The following GAA variants were observed in gnomAD, a reference collection of about 807,000 sequenced individuals.
GAA encodes lysosomal alpha-glucosidase.
A neutral mutation model predicts 103.9 loss-of-function variants in GAA; 88 were observed. The observed-to-expected ratio is 0.85, with a 90% CI of 0.71 to 1.01. The LOEUF is 1.01. Among genes scored for constraint, GAA ranks in the 50% least tolerant of loss-of-function variants. GAA has a pLI of 0.00. For missense variants in GAA, 1,350 were observed against 1,305.3 expected (o/e 1.03, Z -0.53); for synonymous variants, 572 against 563.1 (o/e 1.02, Z -0.22).
At chr17:80,105,396 C>T (rs553993747) in intron 2 of GAA, among the ~76,000 whole-genome samples, 2 of 152,152 alleles carry the variant, frequency 1.3e-5, no homozygotes, top group African/African-American at 2.4e-5. Flanking sequence ...CCAGAGGTTG[C>T]GAATGAAAAC....
At chr17:80,113,761 G>A (rs530242778) in intron 15 of GAA, among the ~76,000 whole-genome samples, 32 of 152,266 alleles carry the variant, frequency 2.1e-4, no homozygotes, top group African/African-American at 7.5e-4. Context: ...GCTAACGCCT[G>A]TAATCCCAGA....
chr17:80,118,474 A>G, intron 18 of GAA, 117 bp downstream of exon 18: 4 of 1,457,062 alleles, frequency 2.7e-6, no homozygotes, highest in Non-Finnish European at 3.8e-6. Context: ...ACACTCTAGC[A>G]GGTGGCCTGG....
In GAA at chr17:80,104,989, A is replaced by G; in HGVS notation, c.403A>G (p.Ser135Gly). 1 of 1,612,886 alleles carries G rather than the reference A, an allele frequency of 6.2e-7. No individual in the cohort carries two copies. Among genetic ancestry groups the G allele is most frequent in the Non-Finnish European group, 8.5e-7 (1 of 1,180,006 alleles). Residue 135 changes from serine to glycine, a missense_variant, in exon 2 of 20, where the codon AGC becomes GGC. Physicochemically the swap from Ser to Gly is moderately conservative, Grantham distance 56. Transcript: ENST00000302262. This position sits in a 1 kb window ranked among gnomAD's most constrained non-coding sequence, Gnocchi z 4.0. ...PWCFFPPSYP[S>G]YKLENLSSSE... Reference sequence around the variant, plus strand: ...GTGCTTCTTCCCACCCAGCTACCCCAGCTACAAGCTGGAGAACCTGAGCTC... The same window carrying G: ...GTGCTTCTTCCCACCCAGCTACCCCGGCTACAAGCTGGAGAACCTGAGCTC...
At position 80,104,518 on chromosome 17, in the gene GAA, C is replaced by T; in HGVS notation, c.-32-37C>T. 6.8e-7 allele frequency: 1 copy of T among 1,474,598 alleles called. No homozygotes were observed. Among genetic ancestry groups the T allele is most frequent in the South Asian group, 1.3e-5 (1 of 78,022 alleles). The allele number at this position is 1,474,598 out of a possible 1,614,324, so 91.3% of individuals were successfully genotyped here. On this transcript the variant is annotated intron_variant, in intron 1 of 19. Transcript: ENST00000302262. The surrounding 1 kb of genome is among the most constrained non-coding windows in gnomAD (Gnocchi z 4.0). ...TGAGAGCCCCGTGAGTGCCGCCCCT[C>T]CCGCCTCCCTGCTGAGCCCGCTTTC... is the stretch of plus-strand genomic sequence containing the variant.
rs781237186 is a variant in GAA at position 80,112,816 on chromosome 17, C to G, written c.1889-60C>G. ...ACTTAGCAGGTGGGGCTCTGGGTCACTTGGCCTGAGCTGGCTCTGCTGCAG... is the reference window on the plus strand; with the variant it reads ...ACTTAGCAGGTGGGGCTCTGGGTCAGTTGGCCTGAGCTGGCTCTGCTGCAG... On this transcript the variant is annotated intron_variant, in intron 13 of 19. Transcript: ENST00000302262. 2.5e-6 allele frequency: 4 copies of G among 1,584,352 alleles called. No individual in the cohort carries two copies. The East Asian group carries it at 9.2e-5, about 36-fold the overall frequency.
rs1455854127 is a variant in GAA at position 80,117,759 on chromosome 17, C to T, written c.2481+10C>T. On this transcript the variant is annotated intron_variant, in intron 17 of 19. Coordinates refer to ENST00000302262, the MANE Select transcript of GAA (RefSeq NM_000152.5). Reference sequence around the variant, plus strand: ...CATCATCCCCCTGCAGGTACCTGGGCCAGGCGGCTATGGTGGGGGTGTGGA... The same window carrying T: ...CATCATCCCCCTGCAGGTACCTGGGTCAGGCGGCTATGGTGGGGGTGTGGA... The T allele has an allele frequency of 3.1e-6, 5 of 1,603,994 alleles. No individual in the cohort carries two copies. The highest frequency in any genetic ancestry group is 1.3e-5 in the African/African-American group (1 of 74,992).
rs771259598 is a variant in GAA, at chr17:80,118,216, G to C, written c.2505G>C (p.Glu835Asp). 1.1e-5 allele frequency: 18 copies of C among 1,612,956 alleles called. No homozygotes were observed. The highest frequency in any genetic ancestry group is 1.5e-5 in the Non-Finnish European group (18 of 1,179,836). ...AGGGCCCTGGCCTCACAACCACAGA[G>C]TCCCGCCAGCAGCCCATGGCCCTGG... ...PLQGPGLTTTESRQQPMALAV... is the reference protein window; with the variant it reads ...PLQGPGLTTTDSRQQPMALAV... The change falls in exon 18 of 20, where the codon GAG (glutamate) becomes GAC (aspartate). Residue 835 changes from glutamate to aspartate, a missense_variant. Glu to Asp is a conservative substitution (Grantham distance 45). Transcript: ENST00000302262.
rs1278991703 is a variant in GAA, at chr17:80,119,313, T to G, written c.2841T>G (p.Phe947Leu). Residue 947 changes from phenylalanine (F) to leucine (L), a missense_variant, in exon 20 of 20, where the codon TTT becomes TTG. Transcript: ENST00000302262. ...TCTCGCTGTTGATGGGAGAGCAGTTTCTCGTCAGCTGGTGTTAGCCGGGCG... is the reference window on the plus strand; with the variant it reads ...TCTCGCTGTTGATGGGAGAGCAGTTGCTCGTCAGCTGGTGTTAGCCGGGCG... ...ICVSLLMGEQFLVSWC is the reference protein window; with the variant it reads ...ICVSLLMGEQLLVSWC 1 of 1,613,916 alleles carries G rather than the reference T, an allele frequency of 6.2e-7. No individual in the cohort carries two copies. The highest frequency in any genetic ancestry group is 8.5e-7 in the Non-Finnish European group (1 of 1,179,924).
intron 8 of GAA, among the ~76,000 whole-genome samples, chr17:80,109,459 G>T (rs1163777953): frequency 6.6e-6 from 1 of 152,206 alleles, no homozygotes; most frequent in African/African-American, 2.4e-5. Flanking sequence ...GGAGGTGGGA[G>T]GCAGGGCGAG....
intron 17 of GAA, 47 bp from the exon 18 acceptor site, chr17:80,118,146 C>T (rs1200125973): frequency 6.2e-7 from 1 of 1,604,844 alleles, no homozygotes; most frequent in Admixed American, 1.7e-5. Flanking sequence ...AGGCCTCCAC[C>T]TCCACCAGGG....
chr17:80,114,923 G>A (rs966278248), intron 15 of GAA, among the ~76,000 whole-genome samples: 10 of 152,132 alleles, frequency 6.6e-5, no homozygotes, highest in Non-Finnish European at 1.3e-4. Context: ...CTTGACTGGC[G>A]GTCGTTTCTC....
rs2278618 is a variant in GAA at position 80,110,507 on chromosome 17, A to G, written c.1438-220A>G. On this transcript the variant is annotated intron_variant, in intron 9 of 19. Coordinates refer to ENST00000302262, the MANE Select transcript of GAA (RefSeq NM_000152.5). Reference sequence around the variant, plus strand: ...CCCCTGGGTGGACGTGTTGGGGGTGACCCCTCGTTTTCCCAGGGTTGAGGC... The same window carrying G: ...CCCCTGGGTGGACGTGTTGGGGGTGGCCCCTCGTTTTCCCAGGGTTGAGGC... Among the ~76,000 whole-genome samples the G allele has an allele frequency of 0.65, 99,680 of 152,210 alleles. 33,489 individuals are homozygous for G. Among genetic ancestry groups the G allele is most frequent in the Middle Eastern group, 0.85 (250 of 294 alleles).
Position 80,112,565 on chromosome 17 carries a change from C to T in GAA, c.1755-13C>T. The stretch of plus-strand genomic sequence containing the variant: ...GCTCCACACAGCCCTCACGGTGTCC[C>T]CCACCACCCCAGGGCGCTGGTGAAG... On this transcript the variant is annotated splice_polypyrimidine_tract_variant and intron_variant, in intron 12 of 19. Transcript: ENST00000302262. 1 of 1,612,884 alleles carries T rather than the reference C, an allele frequency of 6.2e-7. No individual in the cohort carries two copies. The highest frequency in any genetic ancestry group is 8.5e-7 in the Non-Finnish European group (1 of 1,179,898).
chr17:80,114,374 G>C (rs1311980146), intron 15 of GAA, among the ~76,000 whole-genome samples: 5 of 149,974 alleles, frequency 3.3e-5, no homozygotes, highest in Non-Finnish European at 7.4e-5. Context: ...AACGCAATTT[G>C]TGTTTTAATT....
chr17:80,107,635 CACAGGCCTCGCCGA>C lies in GAA; in HGVS notation c.772_785del (p.Thr258AlafsTer67). ...CCACCTCGCTGCCCTCGCAGTATAT[CACAGGCCTCGCCGA>C]GCACCTCAGTCCCCTGATGCTCAGC... On this transcript the variant is annotated frameshift_variant, in exon 4 of 20. Transcript: ENST00000302262. LOFTEE classifies it high-confidence loss of function. The C allele has an allele frequency of 8.7e-6, 14 of 1,613,044 alleles. No individual in the cohort carries two copies. Among genetic ancestry groups the C allele is most frequent in the Non-Finnish European group, 1.2e-5 (14 of 1,179,910 alleles).
In GAA at chr17:80,108,290, A is replaced by T; in HGVS notation, c.956A>T (p.Asp319Val). Reference sequence around the variant, plus strand: ...AACCCCAGAGCTGCTTCCCTTCCAGATGTGGTCCTGCAGCCGAGCCCTGCC... The same window carrying T: ...AACCCCAGAGCTGCTTCCCTTCCAGTTGTGGTCCTGCAGCCGAGCCCTGCC... ...GVFLLNSNAM[D>V]VVLQPSPALS... Residue 319 changes from aspartate (D) to valine (V), a missense_variant and splice_region_variant, in exon 6 of 20, where the codon GAT becomes GTT. Asp to Val is a radical substitution (Grantham distance 152, BLOSUM62 -3). Transcript: ENST00000302262. 1 of 1,613,422 alleles carries T rather than the reference A, an allele frequency of 6.2e-7. No homozygotes were observed. Among genetic ancestry groups the T allele is most frequent in the Non-Finnish European group, 8.5e-7 (1 of 1,179,982 alleles).
At position 80,110,846 on chromosome 17, in the gene GAA, T is replaced by C. The variant is rs1272252561; in HGVS notation, c.1551+6T>C. The C allele has an allele frequency of 1.9e-6, 3 of 1,613,952 alleles. No individual in the cohort carries two copies. Among genetic ancestry groups the C allele is most frequent in the Admixed American group, 1.7e-5 (1 of 60,018 alleles). ...CCTTCGACGGCATGTGGATTGTAAG[T>C]GTGGCCCCCTCCTGAGCATCCCCAA... is the stretch of plus-strand genomic sequence containing the variant. On this transcript the variant is annotated splice_donor_region_variant and intron_variant, in intron 10 of 19. Coordinates refer to ENST00000302262, the MANE Select transcript of GAA (RefSeq NM_000152.5).
At chr17:80,110,161 C>A in intron 9 of GAA, 106 bp downstream of exon 9, 1 of 868,584 alleles carries the variant, frequency 1.2e-6, no homozygotes, top group Non-Finnish European at 1.9e-6. Flanking sequence ...CCATCACGCC[C>A]AGTGGGACAG....
chr17:80,105,268 A>C (rs988257663), intron 2 of GAA, 136 bp downstream of exon 2: 1 of 871,776 alleles, frequency 1.1e-6, no homozygotes, highest in African/African-American at 1.7e-5. Flanking sequence ...AGGTGTGAGC[A>C]GACAATGGCA....
Sources: gnomAD v4.1 joint callset for allele counts (sites outside exome capture counted in the v4.1 genomes callset) on GRCh38, gnomAD v4.1.1 for gene constraint, Gnocchi (gnomAD v3.1) non-coding constraint, MANE v1.5 for transcripts, NCBI Gene and HGNC (gene_info 2026-07-23, HGNC 2026-07-21) for gene names.